Variants in GALNS observed in about 807,000 individuals in gnomAD.
GALNS encodes the protein N-acetylgalactosamine-6-sulfatase.
GALNS carries 65 observed loss-of-function variants against 65.9 expected under a neutral mutation model. The ratio of observed to expected loss-of-function variants is 0.99; its 90% CI spans 0.81 to 1.21. The LOEUF is 1.21. GALNS is among the 50% of genes most tolerant of loss of function. The probability of loss-of-function intolerance (pLI) is 0.00; values close to 1 mark genes in which losing one functional copy is unlikely to be tolerated. For synonymous variants in GALNS, 346 were observed against 288.9 expected (o/e 1.20, Z -2.00); for missense variants, 776 against 700.7 (o/e 1.11, Z -1.21).
At chr16:88,816,291 C>T (rs950470934) in intron 13 of GALNS, 18 of 985,402 alleles carry the variant, frequency 1.8e-5, no homozygotes, top group Non-Finnish European at 2.0e-5. Context: ...CAGCCTGGGT[C>T]GTAGAGAAGG....
intron 1 of GALNS, chr16:88,844,820 G>A (rs1323984723): frequency 2.6e-5 from 4 of 152,292 alleles, no homozygotes; most frequent in African/African-American, 9.6e-5. Context: ...AATGCATTAT[G>A]TAAAGGGCCT....
At position 88,836,338 on chromosome 16, in the gene GALNS, C is replaced by T. The variant is rs1912138453; in HGVS notation, c.567-71G>A. On this transcript the variant is annotated intron_variant, in intron 5 of 13. Transcript: ENST00000268695. ...AAAGTCCCGTTCTCCCTGATTTCAC[C>T]AGCAAAGCCATGGGCTTCATTTAAA... The T allele has an allele frequency of 3.5e-5, 43 of 1,244,232 alleles. 1 individual carries two copies. In the South Asian group the frequency reaches 5.2e-4, roughly 15 times the overall value. The allele number at this position is 1,244,232 out of a possible 1,614,324, so 77.1% of individuals were successfully genotyped here.
At chr16:88,826,167 G>A (rs535924544) in intron 10 of GALNS, among the ~76,000 whole-genome samples, 14 of 150,492 alleles carry the variant, frequency 9.3e-5, no homozygotes, top group Admixed American at 1.3e-4. Flanking sequence ...GCGTGTGCCC[G>A]GGCTACAGAC....
At chr16:88,843,100 T>A in intron 1 of GALNS, 1 of 1,482,930 alleles carries the variant, frequency 6.7e-7, no homozygotes, top group Non-Finnish European at 9.0e-7. Flanking sequence ...TCGCCTCCAC[T>A]TCTGCTTGGT....
intron 9 of GALNS, among the ~76,000 whole-genome samples, chr16:88,828,019 C>T (rs115174169): frequency 0.042 from 6,322 of 152,332 alleles, 164 homozygotes; most frequent in South Asian, 0.082. Context: ...ACACTCACTC[C>T]GCGCTGCAGC....
chr16:88,836,084 T>G, intron 6 of GALNS, 117 bp downstream of exon 6: 10 of 1,114,862 alleles, frequency 9.0e-6, no homozygotes, highest in Non-Finnish European at 1.3e-5. Context: ...CCTGAACCCA[T>G]GCCTCCCACG....
Position 88,827,854 on chromosome 16 carries a change from G to A in GALNS, c.1003-1016C>T, listed in dbSNP as rs527485791. Among the ~76,000 whole-genome samples, 48 of 152,360 alleles carry A rather than the reference G, an allele frequency of 3.2e-4. 1 individual carries two copies. Among genetic ancestry groups the A allele is most frequent in the Admixed American group, 2.5e-3 (39 of 15,310 alleles). On this transcript the variant is annotated intron_variant, in intron 9 of 13. Coordinates refer to ENST00000268695, the MANE Select transcript of GALNS (RefSeq NM_000512.5). ...GCTCAGCCCCTGGGGCAGCTGGGCA[G>A]GGACCGCCATCCGCTGCCAGGCCCT...
In GALNS at chr16:88,818,068, T is replaced by G. The variant is rs794727090; in HGVS notation, c.1421A>C (p.Gln474Pro). Residue 474 changes from glutamine (Q) to proline (P), a missense_variant, in exon 13 of 14, where the codon CAG (glutamine) becomes CCG (proline). Physicochemically the swap from Gln to Pro is moderately conservative, Grantham distance 76 (BLOSUM62 -1). Transcript: ENST00000268695. ...CGCGGGGACCAAGGCCTCCTGGTGCTGCTGGACGACCGAGGTGATCCTGCT... is the reference window on the plus strand; with the variant it reads ...CGCGGGGACCAAGGCCTCCTGGTGCGGCTGGACGACCGAGGTGATCCTGCT... ...ALSRITSVVQ[Q>P]HQEALVPAQP... The G allele has an allele frequency of 2.5e-6, 4 of 1,576,722 alleles. No individual in the cohort carries two copies. In the Middle Eastern group the frequency reaches 5.0e-4, roughly 197 times the overall value.
intron 2 of GALNS, 89 bp from the exon 3 acceptor site, chr16:88,842,060 C>A: frequency 2.6e-6 from 3 of 1,171,856 alleles, no homozygotes; most frequent in Non-Finnish European, 3.8e-6. Context: ...AGTAGACAGA[C>A]GCGTGACAGA....
At position 88,837,912 on chromosome 16, in the gene GALNS, G is replaced by A. The variant is rs1037573768; in HGVS notation, c.423-147C>T. On this transcript the variant is annotated intron_variant, in intron 4 of 13. Transcript: ENST00000268695. ...ATGGGCTATGCCTGGGCACGGCAGG[G>A]ACAAAAGACCAAGGCCTCACCCGAG... The A allele has an allele frequency of 6.4e-5, 50 of 783,762 alleles. No homozygotes were observed. In the African/African-American group the frequency reaches 6.8e-4, roughly 11 times the overall value. 48.6% of individuals were successfully genotyped at this position (783,762 alleles called of 1,614,324 possible).
chr16:88,824,427 G>A (rs977341493), intron 11 of GALNS, among the ~76,000 whole-genome samples: 1 of 152,130 alleles, frequency 6.6e-6, no homozygotes, highest in African/African-American at 2.4e-5. Flanking sequence ...CCACGTCTCT[G>A]TCGCCTCCAG....
chr16:88,829,761 G>A (rs963341031), intron 9 of GALNS, among the ~76,000 whole-genome samples: 4 of 152,266 alleles, frequency 2.6e-5, no homozygotes, highest in Admixed American at 6.5e-5. Flanking sequence ...TGTAGAATGA[G>A]TGGGGAAGAG....
At chr16:88,816,083 C>A (rs1909591557) in intron 13 of GALNS, 4 of 985,344 alleles carry the variant, frequency 4.1e-6, no homozygotes, top group Admixed American at 6.1e-5. Flanking sequence ...GGCATCTGGG[C>A]CCCTCAGACC....
At position 88,853,412 on chromosome 16, in the gene GALNS, C is replaced by T. The variant is rs1404746572; in HGVS notation, c.120+3346G>A. 3.3e-5 allele frequency among the ~76,000 whole-genome samples: 5 copies of T among 152,248 alleles called. No individual in the cohort carries two copies. In the Middle Eastern group the frequency reaches 0.01, roughly 311 times the overall value. On this transcript the variant is annotated intron_variant, in intron 1 of 13. Coordinates refer to ENST00000268695, the MANE Select transcript of GALNS (RefSeq NM_000512.5). ...GGTTGCTATGGGATTATTATGAAGACGAGCAGGCCAGTGCTTGTCTGTTTC... is the reference window on the plus strand; with the variant it reads ...GGTTGCTATGGGATTATTATGAAGATGAGCAGGCCAGTGCTTGTCTGTTTC...
Position 88,832,104 on chromosome 16 carries a change from G to A in GALNS, c.899-3C>T, listed in dbSNP as rs755665863. ...CAGAAAGGGGCCGTTGCTGCCACCT[G>A]GGAGAGAGGGGCCCTTGTCAGGCCA... On this transcript the variant is annotated splice_region_variant and splice_polypyrimidine_tract_variant and intron_variant, in intron 8 of 13. Transcript: ENST00000268695. 3 of 1,612,850 alleles carry A rather than the reference G, an allele frequency of 1.9e-6. No individual in the cohort carries two copies. Among genetic ancestry groups the A allele is most frequent in the Admixed American group, 1.7e-5 (1 of 59,962 alleles).
At chr16:88,839,107 G>A (rs537742787) in intron 4 of GALNS, among the ~76,000 whole-genome samples, 8 of 149,548 alleles carry the variant, frequency 5.3e-5, no homozygotes, top group East Asian at 2.0e-4. Context: ...ACACTCGTGC[G>A]TCCACGTCCG....
intron 1 of GALNS, chr16:88,844,984 A>G (rs981821373): frequency 6.6e-6 from 1 of 152,234 alleles, no homozygotes; most frequent in Non-Finnish European, 1.5e-5. Flanking sequence ...ATGTCACAAA[A>G]TATTACTCTT....
At chr16:88,849,705 T>C (rs1387233663) in intron 1 of GALNS, among the ~76,000 whole-genome samples, 1 of 151,970 alleles carries the variant, frequency 6.6e-6, no homozygotes, top group East Asian at 1.9e-4. Context: ...ATCCCAGGTG[T>C]GAGCCACCAC....
chr16:88,828,003 A>G (rs1199901917), intron 9 of GALNS, among the ~76,000 whole-genome samples: 1 of 152,218 alleles, frequency 6.6e-6, no homozygotes, highest in Non-Finnish European at 1.5e-5. Flanking sequence ...CCCTGGCCTC[A>G]CAGGGACACT....
Sources: allele counts gnomAD v4.1 joint callset (sites outside exome capture counted in the v4.1 genomes callset), GRCh38; gene constraint gnomAD v4.1.1; transcripts MANE v1.5; gene names NCBI Gene and HGNC (gene_info 2026-07-23, HGNC 2026-07-21).